Variants in REPS2 observed in about 807,000 individuals in gnomAD.
REPS2 encodes the protein RALBP1 associated Eps domain containing 2.
A neutral mutation model predicts 53.6 loss-of-function variants in REPS2; 23 were observed. That is an observed-to-expected ratio of 0.43 (90% confidence interval 0.31 to 0.61). The LOEUF is 0.61. Among genes scored for constraint, REPS2 ranks in the 20% least tolerant of loss-of-function variants. The probability of loss-of-function intolerance (pLI) is 0.11; values close to 1 mark genes in which losing one functional copy is unlikely to be tolerated. For missense variants in REPS2, 446 were observed against 534.9 expected (o/e 0.83, Z 1.64); for synonymous variants, 238 against 218.6 (o/e 1.09, Z -0.78).
intron 13 of REPS2, among the ~76,000 whole-genome samples, chrX:17,081,691 T>G (rs1277360453): frequency 8.9e-6 from 1 of 112,191 alleles, no homozygotes; most frequent in Admixed American, 9.4e-5. Flanking sequence ...TGTGTTTTCA[T>G]AAGGAGAAGC....
chrX:17,026,967 A>AT (rs1242334359), intron 4 of REPS2, among the ~76,000 whole-genome samples: 2 of 109,958 alleles, frequency 1.8e-5, no homozygotes, highest in South Asian at 3.9e-4. Context: ...TTCTTTTTGT[A>AT]TTTTTTTGTA....
intron 14 of REPS2, among the ~76,000 whole-genome samples, chrX:17,114,258 C>G (rs2063016347): frequency 8.9e-6 from 1 of 112,260 alleles, no homozygotes; most frequent in Non-Finnish European, 1.9e-5. Flanking sequence ...TAGTGAATTT[C>G]TACTAACTCT....
intron 1 of REPS2, among the ~76,000 whole-genome samples, chrX:17,004,380 C>A (rs2061338616): frequency 9.6e-6 from 1 of 103,995 alleles, no homozygotes; most frequent in African/African-American, 3.5e-5. Context: ...AACTTTGAAC[C>A]TTGATGAATG....
At chrX:16,965,506 A>C (rs2060748002) in intron 1 of REPS2, among the ~76,000 whole-genome samples, 1 of 108,127 alleles carries the variant, frequency 9.2e-6, no homozygotes, top group African/African-American at 3.4e-5. Context: ...CTCACTTCTC[A>C]GACGGGGCGG....
At chrX:17,184,519 T>C in the REPS2 span, among the ~76,000 whole-genome samples, 1 of 107,814 alleles carries the variant, frequency 9.3e-6, no homozygotes, top group African/African-American at 3.4e-5. Flanking sequence ...AGCAGCATGA[T>C]TTATAGTCCT....
At chrX:17,004,319 G>T (rs190518998) in intron 1 of REPS2, among the ~76,000 whole-genome samples, 29 of 109,316 alleles carry the variant, frequency 2.7e-4, no homozygotes, top group African/African-American at 9.0e-4. Context: ...ATACCATTAA[G>T]CATTTCGACC....
chrX:16,964,558 C>A (rs1297848699), intron 1 of REPS2, among the ~76,000 whole-genome samples: 1 of 110,276 alleles, frequency 9.1e-6, no homozygotes, highest in African/African-American at 3.3e-5. Flanking sequence ...ACCTCCCAGA[C>A]GGGGTGGTGG....
At chrX:16,981,608 C>T (rs1226310372) in intron 1 of REPS2, among the ~76,000 whole-genome samples, 2 of 112,032 alleles carry the variant, frequency 1.8e-5, no homozygotes, top group Non-Finnish European at 3.8e-5. Flanking sequence ...ATTTTTATTC[C>T]CCAGCACATC....
rs1161069511 is a variant in REPS2, at chrX:17,147,991, G to A, written c.*510G>A. 1 of 112,268 alleles carries A rather than the reference G, an allele frequency of 8.9e-6. No homozygotes were observed. The highest frequency in any genetic ancestry group is 3.3e-5 in the African/African-American group (1 of 30,759). 9.3% of individuals were successfully genotyped at this position (112,268 alleles called of 1,213,427 possible). Reference sequence around the variant, plus strand: ...AATAAAAACAAAAGCTAAAATAAAAGCATCAGATTTAGACTGGCGCTGTGC... The same window carrying A: ...AATAAAAACAAAAGCTAAAATAAAAACATCAGATTTAGACTGGCGCTGTGC... On this transcript the variant is annotated 3_prime_UTR_variant, in exon 18 of 18. Coordinates refer to ENST00000357277, the MANE Select transcript of REPS2 (RefSeq NM_004726.3).
intron 12 of REPS2, 40 bp downstream of exon 12, chrX:17,074,199 C>T (rs1467325113): frequency 1.9e-5 from 21 of 1,130,151 alleles, no homozygotes; most frequent in East Asian, 3.1e-5. Context: ...CCCTTTGTGC[C>T]GTGCCCCTGC....
chrX:16,947,155 T>A (rs766119659), intron 1 of REPS2, 21 bp downstream of exon 1: 1 of 1,036,107 alleles, frequency 9.7e-7, no homozygotes, highest in Admixed American at 4.0e-5. Flanking sequence ...CCGCCTCCTG[T>A]CCCTGCGGGT....
intron 13 of REPS2, among the ~76,000 whole-genome samples, chrX:17,093,283 G>C (rs1163861303): frequency 1.0e-5 from 1 of 99,871 alleles, no homozygotes; most frequent in Non-Finnish European, 2.0e-5. Context: ...CCTTGCAGAA[G>C]CTGTGTGTGT....
rs1448157946 is a variant in REPS2 at position 16,946,779 on chromosome X, GAGGCC to G, written c.-82_-78del. On this transcript the variant is annotated 5_prime_UTR_variant, in exon 1 of 18. Transcript: ENST00000357277. ...GGCGGCGGCGGCGGCGGCGGCAGCT[GAGGCC>G]GAGGAGGCGGTGGCTGTGGCGGACG... The G allele has an allele frequency of 6.2e-4, 468 of 758,394 alleles. No homozygotes were observed. The highest frequency in any genetic ancestry group is 7.1e-4 in the Non-Finnish European group (459 of 646,089). 62.5% of individuals were successfully genotyped at this position (758,394 alleles called of 1,213,427 possible). A position where few individuals can be genotyped will look rare whatever the true frequency, so the allele number is the denominator to read the frequency against.
chrX:17,115,437 CG>C (rs1208649955), intron 14 of REPS2, among the ~76,000 whole-genome samples: 1 of 112,524 alleles, frequency 8.9e-6, no homozygotes, highest in Non-Finnish European at 1.9e-5. Flanking sequence ...AACATACAAT[CG>C]GGTTTTATAC....
At chrX:17,154,012 T>C (rs961543650), downstream of REPS2, among the ~76,000 whole-genome samples, 4 of 111,551 alleles carry the variant, frequency 3.6e-5, no homozygotes, top group Non-Finnish European at 5.7e-5. Context: ...CAGGGACTTA[T>C]TAGAAATGCA....
intron 13 of REPS2, among the ~76,000 whole-genome samples, chrX:17,085,604 TAA>T (rs2062522879): frequency 8.9e-6 from 1 of 112,340 alleles, no homozygotes; most frequent in East Asian, 2.8e-4. Context: ...AATGTATTCC[TAA>T]AAGTTTTATT....
intron 1 of REPS2, among the ~76,000 whole-genome samples, chrX:16,965,494 T>G (rs1391161042): frequency 2.0e-4 from 22 of 107,589 alleles, no homozygotes; most frequent in Non-Finnish European, 2.7e-4. Flanking sequence ...GCGGAGGGGC[T>G]CCTCACTTCT....
intron 1 of REPS2, among the ~76,000 whole-genome samples, chrX:17,005,942 C>CA (rs939450519): frequency 8.9e-6 from 1 of 112,138 alleles, no homozygotes; most frequent in African/African-American, 3.2e-5. Context: ...ACTAGAGCAA[C>CA]AGCTATCCTT....
At chrX:17,147,195 C>T (rs764404906) in intron 17 of REPS2, among the ~76,000 whole-genome samples, 7 of 111,545 alleles carry the variant, frequency 6.3e-5, no homozygotes, top group Admixed American at 9.5e-5. Context: ...CATTTCATCA[C>T]GTTCAGAAAG....
Sources: gnomAD v4.1 joint callset for allele counts (sites outside exome capture counted in the v4.1 genomes callset) on GRCh38, gnomAD v4.1.1 for gene constraint, MANE v1.5 for transcripts, NCBI Gene and HGNC (gene_info 2026-07-23, HGNC 2026-07-21) for gene names.